The following TANC1 variants were observed in gnomAD, a reference collection of about 807,000 sequenced individuals.
TANC1 encodes protein TANC1.
A neutral mutation model predicts 149.7 loss-of-function variants in TANC1; 77 were observed. That is an observed-to-expected ratio of 0.51 (90% CI 0.43 to 0.62). TANC1 has a LOEUF of 0.62. Ranked by LOEUF, TANC1 falls within the 20% of genes least tolerant of loss-of-function variation. The probability of loss-of-function intolerance (pLI) is 0.00; values close to 1 mark genes in which losing one functional copy is unlikely to be tolerated. For missense variants in TANC1, 1,985 were observed against 2,321.8 expected, an observed-to-expected ratio of 0.85 and a Z score of 2.98; for synonymous variants, 854 against 925.0, an observed-to-expected ratio of 0.92 and a Z score of 1.39.
intron 19 of TANC1, among the ~76,000 whole-genome samples, chr2:159,203,870 C>T (rs1575237111): frequency 6.6e-6 from 1 of 152,222 alleles, no homozygotes; most frequent in East Asian, 1.9e-4. Flanking sequence ...AGCCACCACA[C>T]CCAGCCAGTC....
At chr2:158,988,325 CAA>C (rs1285907133) in intron 1 of TANC1, among the ~76,000 whole-genome samples, 46 of 87,368 alleles carry the variant, frequency 5.3e-4, no homozygotes, top group Non-Finnish European at 5.3e-4. Context: ...GACCCTGTCC[CAA>C]AAAAAAAAAA....
At chr2:158,986,661 A>G (rs938218024) in intron 1 of TANC1, among the ~76,000 whole-genome samples, 1 of 152,196 alleles carries the variant, frequency 6.6e-6, no homozygotes, top group Non-Finnish European at 1.5e-5. Flanking sequence ...GGCTTTCCCA[A>G]TGGCCTAGGC....
chr2:159,225,847 A>C, intron 24 of TANC1, 68 bp downstream of exon 24: 1 of 1,155,206 alleles, frequency 8.7e-7, no homozygotes, highest in Non-Finnish European at 1.3e-6. Flanking sequence ...TGGGTACATA[A>C]TGGCTACAGC....
At chr2:159,074,170 A>G (rs2043420453) in intron 3 of TANC1, among the ~76,000 whole-genome samples, 1 of 152,208 alleles carries the variant, frequency 6.6e-6, no homozygotes, top group Non-Finnish European at 1.5e-5. Context: ...AGCCATGAAA[A>G]TACCATTGTT....
At chr2:159,042,106 C>T (rs2040691079) in intron 2 of TANC1, among the ~76,000 whole-genome samples, 1 of 152,128 alleles carries the variant, frequency 6.6e-6, no homozygotes, top group Admixed American at 6.5e-5. Flanking sequence ...CCAGAGAAAC[C>T]TCCTATTCTC....
intron 2 of TANC1, among the ~76,000 whole-genome samples, chr2:159,064,982 C>G (rs768335448): frequency 2.0e-5 from 3 of 152,072 alleles, no homozygotes; most frequent in Non-Finnish European, 4.4e-5. Flanking sequence ...TTCTACTTCC[C>G]TTAGTGCATT....
At chr2:159,224,619 C>T (rs1009730029) in intron 23 of TANC1, 9 of 421,572 alleles carry the variant, frequency 2.1e-5, no homozygotes, top group South Asian at 1.4e-4. Flanking sequence ...CCAGGAACCA[C>T]GCCAGAGAGG....
intron 2 of TANC1, among the ~76,000 whole-genome samples, chr2:159,035,030 C>T (rs1457139968): frequency 6.6e-6 from 1 of 152,198 alleles, no homozygotes. Flanking sequence ...TGAACACATA[C>T]AGTAGCCTTT....
At chr2:159,164,763 A>G (rs1312735694) in intron 8 of TANC1, among the ~76,000 whole-genome samples, 1 of 152,148 alleles carries the variant, frequency 6.6e-6, no homozygotes, top group Non-Finnish European at 1.5e-5. Context: ...GTTCTTTTAC[A>G]ATGGGACTCT....
intron 4 of TANC1, among the ~76,000 whole-genome samples, chr2:159,106,449 C>T (rs888276859): frequency 6.6e-6 from 1 of 152,142 alleles, no homozygotes; most frequent in Admixed American, 6.5e-5. Context: ...TTTTATGGAG[C>T]ATCGTGTTGT....
chr2:159,171,805 C>G (rs1222754849), intron 10 of TANC1, among the ~76,000 whole-genome samples: 3 of 141,826 alleles, frequency 2.1e-5, no homozygotes, highest in Non-Finnish European at 3.0e-5. Context: ...TGCAGTGAGC[C>G]GAGATGGCAC....
intron 24 of TANC1, chr2:159,226,168 T>C: frequency 5.1e-6 from 1 of 197,340 alleles, no homozygotes; most frequent in Non-Finnish European, 1.0e-5. Context: ...AGACTCAGTC[T>C]CAGAAGAAAA....
intron 3 of TANC1, among the ~76,000 whole-genome samples, chr2:159,096,227 A>G (rs879896997): frequency 2.0e-5 from 3 of 151,060 alleles, no homozygotes; most frequent in Admixed American, 2.0e-4. Flanking sequence ...ACGAGCGGGG[A>G]AGGTGATTGG....
chr2:159,019,811 G>A (rs1378062390), intron 2 of TANC1, among the ~76,000 whole-genome samples: 7 of 151,598 alleles, frequency 4.6e-5, no homozygotes, highest in Admixed American at 6.6e-5. Context: ...TGATAGAGAC[G>A]GGGTTTCGAC....
intron 19 of TANC1, among the ~76,000 whole-genome samples, chr2:159,204,990 C>G (rs1388052968): frequency 6.6e-6 from 1 of 152,244 alleles, no homozygotes; most frequent in African/African-American, 2.4e-5. Flanking sequence ...GAATTTTGGA[C>G]AGAACCTGCT....
chr2:159,128,880 G>GC (rs1157428840), intron 4 of TANC1, among the ~76,000 whole-genome samples: 1 of 152,120 alleles, frequency 6.6e-6, no homozygotes, highest in African/African-American at 2.4e-5. Context: ...ACCACGGTTT[G>GC]CCATTAGGAA....
chr2:158,977,129 T>G (rs1487383946), intron 1 of TANC1, among the ~76,000 whole-genome samples: 1 of 151,976 alleles, frequency 6.6e-6, no homozygotes, highest in African/African-American at 2.4e-5. Context: ...CTTCAATACG[T>G]TTTTAAAATT....
chr2:159,089,126 C>A (rs34094248), intron 3 of TANC1, among the ~76,000 whole-genome samples: 2 of 152,042 alleles, frequency 1.3e-5, no homozygotes, highest in African/African-American at 4.8e-5. Context: ...TATCCTCCCC[C>A]TTCCACAGTG....
At chr2:159,185,921 G>T in intron 15 of TANC1, 22 bp downstream of exon 15, 2 of 1,533,148 alleles carry the variant, frequency 1.3e-6, no homozygotes, top group Non-Finnish European at 1.8e-6. Context: ...ACCAACTTGG[G>T]GAAGGGTTTC....
Sources: gnomAD v4.1 joint callset for allele counts (sites outside exome capture counted in the v4.1 genomes callset) on GRCh38, gnomAD v4.1.1 for gene constraint, MANE v1.5 for transcripts, NCBI Gene and HGNC (gene_info 2026-07-23, HGNC 2026-07-21) for gene names.